NLGN4X: variants seen among roughly 807,000 people sequenced by gnomAD.
NLGN4X encodes neuroligin-4, X-linked.
NLGN4X carries 3 observed loss-of-function variants against 40.3 expected under a neutral mutation model. The ratio of observed to expected loss-of-function variants is 0.07; its 90% CI spans 0.03 to 0.19. The LOEUF is 0.19. NLGN4X is among the 10% of genes least tolerant of loss of function. The pLI is 1.00. For missense variants in NLGN4X, 382 were observed against 708.3 expected, an observed-to-expected ratio of 0.54 and a Z score of 5.23; for synonymous variants, 270 against 306.8, an observed-to-expected ratio of 0.88 and a Z score of 1.25.
chrX:6,081,580 A>G (rs1372624976), intron 2 of NLGN4X, among the ~76,000 whole-genome samples: 1 of 112,177 alleles, frequency 8.9e-6, no homozygotes, highest in East Asian at 2.8e-4. Context: ...AAGGGGCTCC[A>G]TCTATAAAGG....
chrX:6,199,591 A>T (rs767901703), intron 1 of NLGN4X, among the ~76,000 whole-genome samples: 1 of 111,700 alleles, frequency 9.0e-6, no homozygotes, highest in South Asian at 3.7e-4. Context: ...AGTAAGCAAC[A>T]CTGCACGGCA....
At chrX:6,115,038 G>A (rs1272140187) in intron 2 of NLGN4X, among the ~76,000 whole-genome samples, 1 of 112,261 alleles carries the variant, frequency 8.9e-6, no homozygotes. Context: ...TTTCTAGGAA[G>A]AAAAAACAAT....
At chrX:6,193,356 C>T (rs1188687602) in intron 1 of NLGN4X, among the ~76,000 whole-genome samples, 6 of 91,591 alleles carry the variant, frequency 6.6e-5, no homozygotes, top group East Asian at 3.9e-4. Context: ...TTGCAGTGAG[C>T]GGAGATCGCG....
At chrX:6,079,039 C>T (rs1199226669) in intron 2 of NLGN4X, among the ~76,000 whole-genome samples, 3 of 111,716 alleles carry the variant, frequency 2.7e-5, no homozygotes, top group Non-Finnish European at 5.6e-5. Context: ...TCACCTTTTG[C>T]CATGATTGTA....
chrX:6,128,255 C>T (rs2039603913), intron 2 of NLGN4X, among the ~76,000 whole-genome samples: 2 of 111,749 alleles, frequency 1.8e-5, no homozygotes, highest in Admixed American at 1.9e-4. Context: ...TCTTTTTACA[C>T]CACTGTAAAT....
intron 2 of NLGN4X, among the ~76,000 whole-genome samples, chrX:6,085,465 A>T (rs985553696): frequency 1.8e-5 from 2 of 111,819 alleles, no homozygotes; most frequent in Admixed American, 9.5e-5. Context: ...AAAGAAGGTC[A>T]AGGAATTTAT....
intron 3 of NLGN4X, among the ~76,000 whole-genome samples, chrX:5,988,280 G>A (rs1019330584): frequency 2.7e-5 from 3 of 111,806 alleles, no homozygotes; most frequent in African/African-American, 9.8e-5. Flanking sequence ...CATTGTCTGA[G>A]GCTTAACACT....
At chrX:6,192,917 T>C (rs1023120723) in intron 1 of NLGN4X, among the ~76,000 whole-genome samples, 2 of 111,470 alleles carry the variant, frequency 1.8e-5, no homozygotes, top group African/African-American at 3.3e-5. Flanking sequence ...AGGGTTACAA[T>C]GAATGACAGT....
At chrX:5,998,410 C>CAAA (rs11344030) in intron 3 of NLGN4X, among the ~76,000 whole-genome samples, 2 of 77,262 alleles carry the variant, frequency 2.6e-5, no homozygotes, top group African/African-American at 9.4e-5. Flanking sequence ...AACTCCTTCT[C>CAAA]AAAAAAAAAA....
At chrX:5,896,981 T>C (rs5961379) in intron 5 of NLGN4X, among the ~76,000 whole-genome samples, 35,858 of 110,484 alleles carry the variant, frequency 0.32, 5,080 homozygotes, top group East Asian at 0.63. Flanking sequence ...GATTTAACAA[T>C]AGTTGAACGT....
chrX:6,103,598 C>G (rs1306087909), intron 2 of NLGN4X, among the ~76,000 whole-genome samples: 1 of 111,561 alleles, frequency 9.0e-6, no homozygotes, highest in Non-Finnish European at 1.9e-5. Flanking sequence ...CAGTGAATCT[C>G]AAATCGTACC....
chrX:6,095,591 G>A (rs748092856), intron 2 of NLGN4X, among the ~76,000 whole-genome samples: 159 of 112,380 alleles, frequency 1.4e-3, no homozygotes, highest in African/African-American at 5.0e-3. Context: ...CTGTAATTCT[G>A]ATTCTACCCC....
intron 3 of NLGN4X, among the ~76,000 whole-genome samples, chrX:5,943,587 A>G (rs2034024162): frequency 8.9e-6 from 1 of 112,421 alleles, no homozygotes; most frequent in African/African-American, 3.2e-5. Flanking sequence ...ATTTGGAGAA[A>G]TGAGGGTTTG....
In NLGN4X at chrX:6,029,359, G is replaced by A; in HGVS notation, c.546C>T (p.Gly182=). The A allele has an allele frequency of 8.3e-7, 1 of 1,210,328 alleles. No homozygotes were observed. The highest frequency in any genetic ancestry group is 1.1e-6 in the Non-Finnish European group (1 of 894,506). Residue 182 remains glycine (G), a synonymous_variant, in exon 3 of 6, where the codon GGC becomes GGT. Coordinates refer to ENST00000381095, the MANE Select transcript of NLGN4X (RefSeq NM_181332.3). ...CCAAAATGCTGCCGTCAATCATGTTGCCGGTGCCCTCCATGTAAGATCCCC... is the reference window on the plus strand; with the variant it reads ...CCAAAATGCTGCCGTCAATCATGTTACCGGTGCCCTCCATGTAAGATCCCC... The part of the protein sequence containing the change: ...IHGGSYMEGT[G]NMIDGSILAS...
chrX:5,915,728 C>T (rs963736621), intron 3 of NLGN4X, among the ~76,000 whole-genome samples: 2 of 111,548 alleles, frequency 1.8e-5, no homozygotes, highest in African/African-American at 3.3e-5. Context: ...TTAGTAGAGA[C>T]GGGGTTTCAT....
intron 3 of NLGN4X, among the ~76,000 whole-genome samples, chrX:5,920,666 T>G: frequency 9.0e-6 from 1 of 111,603 alleles, no homozygotes; most frequent in East Asian, 2.8e-4. Flanking sequence ...TTGTGAAGAG[T>G]GCAGCATCAT....
At chrX:6,094,554 T>C (rs1569233771) in intron 2 of NLGN4X, among the ~76,000 whole-genome samples, 1 of 110,773 alleles carries the variant, frequency 9.0e-6, no homozygotes, top group Admixed American at 9.6e-5. Flanking sequence ...GGGACTGAGA[T>C]ATTCCCCAGG....
At chrX:6,179,286 T>C (rs927465668) in intron 1 of NLGN4X, among the ~76,000 whole-genome samples, 5 of 111,274 alleles carry the variant, frequency 4.5e-5, no homozygotes, top group African/African-American at 1.6e-4. Context: ...TCGACTCATT[T>C]TGAAACACCA....
intron 3 of NLGN4X, among the ~76,000 whole-genome samples, chrX:5,964,539 C>T (rs902515207): frequency 8.9e-6 from 1 of 112,167 alleles, no homozygotes; most frequent in African/African-American, 3.2e-5. Context: ...CATGGTCTCA[C>T]TCTGTCACCC....
Sources: gnomAD v4.1 joint callset for allele counts (sites outside exome capture counted in the v4.1 genomes callset) on GRCh38, gnomAD v4.1.1 for gene constraint, MANE v1.5 for transcripts, NCBI Gene and HGNC (gene_info 2026-07-23, HGNC 2026-07-21) for gene names.